CFAP61: variants seen among roughly 807,000 people sequenced by gnomAD.
CFAP61 encodes the protein cilia- and flagella-associated protein 61.
In CFAP61, 107 loss-of-function variants were observed where a neutral mutation model predicts 135.6. That is an observed-to-expected ratio of 0.79 (90% CI 0.67 to 0.93). The LOEUF is 0.93. Among genes scored for constraint, CFAP61 ranks in the 40% least tolerant of loss-of-function variants. The pLI, the probability that CFAP61 is intolerant of heterozygous loss-of-function variation, is 0.00. For missense variants in CFAP61, 1,507 were observed against 1,556.2 expected (o/e 0.97, Z 0.53); for synonymous variants, 575 against 578.5 (o/e 0.99, Z 0.09).
Position 20,142,837 on chromosome 20 carries a change from T to G in CFAP61, c.860-20T>G. ...ATTTATCATCTATTTTCTGTCATTA[T>G]TCTATCCCTTCTCTCAAAGATGCTG... On this transcript the variant is annotated intron_variant, in intron 8 of 26. Transcript: ENST00000245957. 7.0e-7 allele frequency: 1 copy of G among 1,430,854 alleles called. No homozygotes were observed. Among genetic ancestry groups the G allele is most frequent in the African/African-American group, 1.4e-5 (1 of 71,442 alleles). The allele number at this position is 1,430,854 out of a possible 1,614,324, so 88.6% of individuals were successfully genotyped here.
intron 4 of CFAP61, 143 bp downstream of exon 4, chr20:20,074,521 G>A (rs1465428989): frequency 1.3e-5 from 9 of 682,882 alleles, no homozygotes; most frequent in South Asian, 1.1e-4. Flanking sequence ...ACTTTGAATA[G>A]CAATGATATT....
chr20:20,074,456 G>T, intron 4 of CFAP61, 78 bp downstream of exon 4: 3 of 1,259,134 alleles, frequency 2.4e-6, no homozygotes, highest in Non-Finnish European at 3.5e-6. Flanking sequence ...TAAAAGACAT[G>T]AAATTCTTTG....
At position 20,070,883 on chromosome 20, in the gene CFAP61, G is replaced by A; in HGVS notation, c.173G>A (p.Cys58Tyr). ...LEKANLAVTL[C>Y]NDKEEIMAQA... The stretch of plus-strand genomic sequence containing the variant: ...AAGGCCAACCTTGCTGTTACCCTCT[G>A]CAATGACAAGGAGGAGATCATGGCC... The change falls in exon 3 of 27, where the codon TGC becomes TAC. Residue 58 changes from cysteine to tyrosine, a missense_variant. Transcript: ENST00000245957. 6.2e-7 allele frequency: 1 copy of A among 1,613,860 alleles called. No homozygotes were observed. Among genetic ancestry groups the A allele is most frequent in the Non-Finnish European group, 8.5e-7 (1 of 1,179,878 alleles).
At chr20:20,087,072 G>T (rs561717692) in intron 6 of CFAP61, among the ~76,000 whole-genome samples, 3 of 152,292 alleles carry the variant, frequency 2.0e-5, no homozygotes, top group African/African-American at 7.2e-5. Flanking sequence ...AAAGATGCAG[G>T]CAAAGAATTT....
At chr20:20,102,432 G>A (rs926156324) in intron 8 of CFAP61, among the ~76,000 whole-genome samples, 1 of 152,198 alleles carries the variant, frequency 6.6e-6, no homozygotes, top group Admixed American at 6.5e-5. Context: ...TCCCCCAAGG[G>A]ATTAAGTTTC....
chr20:20,315,430 G>T (rs1326019367), intron 25 of CFAP61, among the ~76,000 whole-genome samples: 1 of 152,146 alleles, frequency 6.6e-6, no homozygotes, highest in Non-Finnish European at 1.5e-5. Context: ...GTAGATGCTG[G>T]ATATTAGCCC....
chr20:20,099,932 G>A (rs1276664568), intron 8 of CFAP61, among the ~76,000 whole-genome samples: 2 of 152,084 alleles, frequency 1.3e-5, no homozygotes, highest in Non-Finnish European at 2.9e-5. Context: ...TTATCACAGA[G>A]AACCTGCAAA....
Position 20,174,129 on chromosome 20 carries a change from T to A in CFAP61, c.1385+4669T>A, listed in dbSNP as rs1057335863. On this transcript the variant is annotated intron_variant, in intron 13 of 26. Coordinates refer to ENST00000245957, the MANE Select transcript of CFAP61 (RefSeq NM_015585.4). ...ATTTAAAATTGGAGCACATGATGTA[T>A]ACCTGGGTTCTTTTCTGAAATATTA... 2.0e-5 allele frequency among the ~76,000 whole-genome samples: 3 copies of A among 152,216 alleles called. No homozygotes were observed. In the East Asian group the frequency reaches 5.8e-4, roughly 29 times the overall value.
At chr20:20,338,708 G>A (rs2058330796) in intron 25 of CFAP61, among the ~76,000 whole-genome samples, 1 of 152,214 alleles carries the variant, frequency 6.6e-6, no homozygotes, top group African/African-American at 2.4e-5. Context: ...TTCTCCCAGT[G>A]TGTTATGTTG....
chr20:20,199,881 A>G lies in CFAP61; in HGVS notation c.1911A>G (p.Ser637=), dbSNP rs1253278327. The change falls in exon 17 of 27, where the codon TCA becomes TCG. Residue 637 remains serine (S), a synonymous_variant. Transcript: ENST00000245957. The part of the protein sequence containing the change: ...PLEKLGINAP[S]KAVSKDPMSY... Reference sequence around the variant, plus strand: ...AAAAGCTTGGCATAAACGCTCCATCAAAGGCGGTCTCCAAGGATCCGGTGG... The same window carrying G: ...AAAAGCTTGGCATAAACGCTCCATCGAAGGCGGTCTCCAAGGATCCGGTGG... 2 of 1,614,110 alleles carry G rather than the reference A, an allele frequency of 1.2e-6. No individual in the cohort carries two copies. Among genetic ancestry groups the G allele is most frequent in the East Asian group, 4.5e-5 (2 of 44,876 alleles).
Position 20,075,554 on chromosome 20 carries a change from T to G in CFAP61, c.505T>G (p.Phe169Val). The G allele has an allele frequency of 6.2e-7, 1 of 1,614,170 alleles. No homozygotes were observed. The highest frequency in any genetic ancestry group is 8.5e-7 in the Non-Finnish European group (1 of 1,179,990). The change falls in exon 6 of 27, where the codon TTT (phenylalanine) becomes GTT (valine). Residue 169 changes from phenylalanine (F) to valine (V), a missense_variant. Coordinates refer to ENST00000245957, the MANE Select transcript of CFAP61 (RefSeq NM_015585.4). Reference protein sequence around the residue: ...NIPCLTYEEDFAVHICHRHSH... With the variant: ...NIPCLTYEEDVAVHICHRHSH... Reference sequence around the variant, plus strand: ...CCCGTGTCTGACGTATGAGGAAGACTTTGCAGTGCATATATGTCACAGGCA... The same window carrying G: ...CCCGTGTCTGACGTATGAGGAAGACGTTGCAGTGCATATATGTCACAGGCA...
chr20:20,125,843 C>T (rs2050027618), intron 8 of CFAP61, among the ~76,000 whole-genome samples: 1 of 151,762 alleles, frequency 6.6e-6, no homozygotes, highest in Non-Finnish European at 1.5e-5. Flanking sequence ...TATTGTGTTG[C>T]TGTCTATCTC....
intron 25 of CFAP61, among the ~76,000 whole-genome samples, chr20:20,319,087 A>T (rs1396178856): frequency 6.6e-6 from 1 of 152,188 alleles, no homozygotes; most frequent in African/African-American, 2.4e-5. Context: ...CTGATTCTCT[A>T]TACAGCCTGT....
intron 13 of CFAP61, among the ~76,000 whole-genome samples, chr20:20,183,740 T>G (rs997577821): frequency 1.3e-5 from 2 of 152,258 alleles, no homozygotes; most frequent in African/African-American, 4.8e-5. Flanking sequence ...ATGTTACTTT[T>G]TTGTACCAAG....
At chr20:20,087,912 A>G (rs905931703) in intron 6 of CFAP61, among the ~76,000 whole-genome samples, 6 of 151,656 alleles carry the variant, frequency 4.0e-5, no homozygotes, top group Admixed American at 2.6e-4. Flanking sequence ...GACTTAATGC[A>G]TTTATGGTGG....
At chr20:20,229,119 C>A (rs1450851791) in intron 18 of CFAP61, among the ~76,000 whole-genome samples, 1 of 152,210 alleles carries the variant, frequency 6.6e-6, no homozygotes. Flanking sequence ...AAGCACTAAA[C>A]AAGGTTTCCT....
chr20:20,060,526 T>C (rs1171939676), intron 2 of CFAP61, among the ~76,000 whole-genome samples: 1 of 152,230 alleles, frequency 6.6e-6, no homozygotes. Flanking sequence ...AAAAACATTA[T>C]ATAAATTGGG....
At chr20:20,112,863 TTCTCATTG>T (rs1169228115) in intron 8 of CFAP61, among the ~76,000 whole-genome samples, 4 of 152,218 alleles carry the variant, frequency 2.6e-5, no homozygotes, top group Non-Finnish European at 5.9e-5. Flanking sequence ...AACATCCTTA[TTCTCATTG>T]TAGTTATTTT....
At chr20:20,139,323 C>T (rs1322563759) in intron 8 of CFAP61, among the ~76,000 whole-genome samples, 1 of 152,142 alleles carries the variant, frequency 6.6e-6, no homozygotes, top group Non-Finnish European at 1.5e-5. Flanking sequence ...TGGGAAGATG[C>T]CTGAACCTCT....
Sources: gnomAD v4.1 joint callset for allele counts (sites outside exome capture counted in the v4.1 genomes callset) on GRCh38, gnomAD v4.1.1 for gene constraint, MANE v1.5 for transcripts, NCBI Gene and HGNC (gene_info 2026-07-23, HGNC 2026-07-21) for gene names.